KIAA1217: variants seen among roughly 807,000 people sequenced by gnomAD.
The protein encoded by KIAA1217 is sickle tail protein homolog.
In KIAA1217, 88 loss-of-function variants were observed where a neutral mutation model predicts 163.9. That is an observed-to-expected ratio of 0.54 (90% CI 0.45 to 0.64). The LOEUF is 0.64. KIAA1217 is among the 30% of genes least tolerant of loss of function. The probability of loss-of-function intolerance (pLI) is 0.00; values close to 1 mark genes in which losing one functional copy is unlikely to be tolerated. For synonymous variants in KIAA1217, 903 were observed against 923.1 expected (o/e 0.98, Z 0.39); for missense variants, 2,372 against 2,475.0 (o/e 0.96, Z 0.88).
chr10:23,861,098 A>G (rs1301005651), intron 1 of KIAA1217, among the ~76,000 whole-genome samples: 1 of 151,850 alleles, frequency 6.6e-6, no homozygotes, highest in African/African-American at 2.4e-5. Context: ...TTTTTTGTAG[A>G]GACGGAGTTT....
chr10:24,386,053 CAT>C (rs1036195969), intron 3 of KIAA1217, among the ~76,000 whole-genome samples: 1 of 152,150 alleles, frequency 6.6e-6, no homozygotes, highest in African/African-American at 2.4e-5. Context: ...AAATAAGACT[CAT>C]GTGAAAACAG....
chr10:23,998,802 G>A (rs1464679467), intron 1 of KIAA1217, among the ~76,000 whole-genome samples: 1 of 152,154 alleles, frequency 6.6e-6, no homozygotes, highest in Non-Finnish European at 1.5e-5. Context: ...GATTCTGTGA[G>A]CAAAAACACA....
At chr10:23,936,367 C>G (rs181854037) in intron 1 of KIAA1217, among the ~76,000 whole-genome samples, 154 of 152,228 alleles carry the variant, frequency 1.0e-3, no homozygotes, top group Admixed American at 2.0e-3. Context: ...TACATTACCC[C>G]CCGGCCCCAA....
chr10:23,824,497 ATGGG>A (rs1387527267), intron 1 of KIAA1217, among the ~76,000 whole-genome samples: 5 of 147,286 alleles, frequency 3.4e-5, no homozygotes, highest in Non-Finnish European at 6.0e-5. Context: ...GCATGGTGAC[ATGGG>A]CCTCTAATCC....
At chr10:24,133,071 A>G (rs2063711340) in intron 2 of KIAA1217, among the ~76,000 whole-genome samples, 1 of 142,374 alleles carries the variant, frequency 7.0e-6, no homozygotes, top group Middle Eastern at 3.7e-3. Flanking sequence ...CCACTGAGAG[A>G]AAAAAAAAAA....
intron 5 of KIAA1217, among the ~76,000 whole-genome samples, chr10:24,454,785 C>T (rs1339303912): frequency 6.6e-6 from 1 of 151,932 alleles, no homozygotes; most frequent in Non-Finnish European, 1.5e-5. Flanking sequence ...GATGGAAATC[C>T]ACAAAGTGGA....
chr10:23,785,486 T>A (rs973972980), intron 1 of KIAA1217, among the ~76,000 whole-genome samples: 25 of 152,314 alleles, frequency 1.6e-4, no homozygotes, highest in African/African-American at 5.8e-4. Context: ...AAGGACTGTC[T>A]TGAAGTGTTC....
At chr10:23,808,799 G>C (rs1836857114) in intron 1 of KIAA1217, among the ~76,000 whole-genome samples, 1 of 152,072 alleles carries the variant, frequency 6.6e-6, no homozygotes, top group African/African-American at 2.4e-5. Flanking sequence ...AACTCAAGTG[G>C]TTCCATACTG....
At chr10:23,994,491 A>C (rs973436705) in intron 1 of KIAA1217, among the ~76,000 whole-genome samples, 6 of 152,136 alleles carry the variant, frequency 3.9e-5, no homozygotes, top group Admixed American at 3.3e-4. Context: ...CTTTCTTTCT[A>C]CTACCCAGGT....
intron 1 of KIAA1217, among the ~76,000 whole-genome samples, chr10:23,886,360 C>T (rs903623354): frequency 6.6e-6 from 1 of 151,872 alleles, no homozygotes. Flanking sequence ...CTCCAGTGTC[C>T]ACGTATGGCT....
chr10:23,841,455 G>T (rs1248541497), intron 1 of KIAA1217, among the ~76,000 whole-genome samples: 7 of 152,172 alleles, frequency 4.6e-5, no homozygotes, highest in Non-Finnish European at 8.8e-5. Flanking sequence ...GATGCATGCT[G>T]TAAAGCACCC....
At chr10:24,410,083 G>A (rs1251982319) in intron 3 of KIAA1217, among the ~76,000 whole-genome samples, 2 of 141,486 alleles carry the variant, frequency 1.4e-5, no homozygotes, top group African/African-American at 2.7e-5. Flanking sequence ...TGTAACCTCC[G>A]CCTCCCGGGT....
At chr10:23,821,111 G>A (rs999075987) in intron 1 of KIAA1217, among the ~76,000 whole-genome samples, 1 of 130,742 alleles carries the variant, frequency 7.6e-6, no homozygotes, top group African/African-American at 2.8e-5. Context: ...GTGCGTGTGT[G>A]TGTGTGTGTG....
At chr10:24,093,013 A>T (rs2062001087) in intron 2 of KIAA1217, among the ~76,000 whole-genome samples, 1 of 151,076 alleles carries the variant, frequency 6.6e-6, no homozygotes, top group African/African-American at 2.5e-5. Context: ...ACTTTTTTTT[A>T]GACAAGGTCT....
At chr10:24,076,824 T>A (rs2061381466) in intron 2 of KIAA1217, among the ~76,000 whole-genome samples, 1 of 152,168 alleles carries the variant, frequency 6.6e-6, no homozygotes, top group African/African-American at 2.4e-5. Context: ...AAGAAAAAGA[T>A]GCTGTTATAC....
In KIAA1217 at chr10:24,041,483, T is replaced by C. The variant is rs559611033; in HGVS notation, c.-171+34109T>C. On this transcript the variant is annotated intron_variant, in intron 2 of 18. Coordinates refer to the KIAA1217 transcript ENST00000376462. Reference sequence around the variant, plus strand: ...CGAACTCTTTAAAAGGTAAAATAATTTATATCTCTTTCCCTGACTCTCTCT... The same window carrying C: ...CGAACTCTTTAAAAGGTAAAATAATCTATATCTCTTTCCCTGACTCTCTCT... Among the ~76,000 whole-genome samples the C allele has an allele frequency of 2.0e-5, 3 of 152,240 alleles. No homozygotes were observed. The South Asian group carries it at 6.2e-4, about 32-fold the overall frequency.
chr10:24,260,240 G>C (rs545238026), intron 2 of KIAA1217, among the ~76,000 whole-genome samples: 11 of 152,202 alleles, frequency 7.2e-5, no homozygotes, highest in African/African-American at 2.6e-4. Flanking sequence ...GATGAGGAAG[G>C]GGACCCGGGA....
At chr10:23,893,427 G>C (rs1218755339) in intron 1 of KIAA1217, among the ~76,000 whole-genome samples, 8 of 151,792 alleles carry the variant, frequency 5.3e-5, no homozygotes, top group Admixed American at 2.6e-4. Context: ...TTTTGTTGAT[G>C]CTTTCAAAAA....
chr10:24,545,936 T>C lies in KIAA1217; in HGVS notation c.5444T>C (p.Leu1815Pro). The stretch of plus-strand genomic sequence containing the variant: ...CCCAGCTCTGGGAAAAGCAGTTCTC[T>C]GCCCTCTTCTAGTGGTGACAGCTCT... Reference protein sequence around the residue: ...LSPSSGKSSSLPSSSGDSSNL... With the variant: ...LSPSSGKSSSPPSSSGDSSNL... Residue 1815 changes from leucine to proline, a missense_variant, in exon 21 of 21, where the codon CTG becomes CCG. Transcript: ENST00000376454. 6.2e-7 allele frequency: 1 copy of C among 1,614,202 alleles called. No individual in the cohort carries two copies. Among genetic ancestry groups the C allele is most frequent in the Non-Finnish European group, 8.5e-7 (1 of 1,180,048 alleles).
Sources: gnomAD v4.1 joint callset for allele counts (sites outside exome capture counted in the v4.1 genomes callset) on GRCh38, gnomAD v4.1.1 for gene constraint, MANE v1.5 for transcripts, NCBI Gene and HGNC (gene_info 2026-07-23, HGNC 2026-07-21) for gene names.